BRINP1: variants seen among roughly 807,000 people sequenced by gnomAD.
The protein encoded by BRINP1 is BMP/retinoic acid-inducible neural-specific protein 1.
A neutral mutation model predicts 72.9 loss-of-function variants in BRINP1; 17 were observed. The ratio of observed to expected loss-of-function variants is 0.23; its 90% confidence interval spans 0.16 to 0.35. BRINP1 has a LOEUF of 0.35. BRINP1 is among the 10% of genes least tolerant of loss of function. The pLI is 1.00. For synonymous variants in BRINP1, 418 were observed against 378.5 expected (o/e 1.10, Z -1.21); for missense variants, 850 against 1,001.6 (o/e 0.85, Z 2.04).
At chr9:119,198,027 T>G (rs1169502872) in intron 7 of BRINP1, among the ~76,000 whole-genome samples, 1 of 152,156 alleles carries the variant, frequency 6.6e-6, no homozygotes, top group Non-Finnish European at 1.5e-5. Flanking sequence ...TGCTCCACTT[T>G]GAATAAACCG....
chr9:119,220,518 A>G (rs1830029252), intron 5 of BRINP1, among the ~76,000 whole-genome samples: 2 of 152,280 alleles, frequency 1.3e-5, no homozygotes, highest in Admixed American at 6.5e-5. Context: ...CCTTTTAACA[A>G]GTAGTACATT....
At position 119,198,672 on chromosome 9, in the gene BRINP1, AT is replaced by A. The variant is rs35233721; in HGVS notation, c.1145+10046del. On this transcript the variant is annotated intron_variant, in intron 7 of 7. Transcript: ENST00000265922. ...TACTGCTGTGCTCTTGAAAATATTA[AT>A]TTTTTTTTTTTTTTTTGAGACACAG... 7.1e-3 allele frequency among the ~76,000 whole-genome samples: 1,043 copies of A among 146,450 alleles called. 6 individuals are homozygous for A. Among genetic ancestry groups the A allele is most frequent in the African/African-American group, 0.021 (798 of 38,624 alleles).
At chr9:119,286,074 G>T (rs1299812285) in intron 2 of BRINP1, among the ~76,000 whole-genome samples, 1 of 152,000 alleles carries the variant, frequency 6.6e-6, no homozygotes. Context: ...TATCAGCATT[G>T]ACACCAGCTG....
rs529060372 is a variant in BRINP1, at chr9:119,200,369, C to A, written c.1145+8350G>T. Among the ~76,000 whole-genome samples, 4 of 152,142 alleles carry A rather than the reference C, an allele frequency of 2.6e-5. No individual in the cohort carries two copies. The East Asian group carries it at 7.7e-4, about 29-fold the overall frequency. ...AGGTGCAGTAGCTCAGGTCTGTAAT[C>A]CTAGCACTTTGAGAGGCCAAGGAGG... is the stretch of plus-strand genomic sequence containing the variant. On this transcript the variant is annotated intron_variant, in intron 7 of 7. Coordinates refer to ENST00000265922, the MANE Select transcript of BRINP1 (RefSeq NM_014618.3).
intron 2 of BRINP1, among the ~76,000 whole-genome samples, chr9:119,277,020 A>G (rs886336137): frequency 6.6e-6 from 1 of 152,214 alleles, no homozygotes; most frequent in Non-Finnish European, 1.5e-5. Flanking sequence ...GTCCATCCTT[A>G]TAGTTTTGCC....
chr9:119,187,752 A>G (rs977726174), intron 7 of BRINP1, among the ~76,000 whole-genome samples: 3 of 152,356 alleles, frequency 2.0e-5, no homozygotes, highest in African/African-American at 7.2e-5. Context: ...AAGGCATTCA[A>G]GACAATGATC....
At position 119,214,297 on chromosome 9, in the gene BRINP1, TA is replaced by T. The variant is rs1434615166; in HGVS notation, c.686-143del. 9.2e-6 allele frequency: 6 copies of T among 650,520 alleles called. No individual in the cohort carries two copies. The East Asian group carries it at 1.4e-4, about 15-fold the overall frequency. The allele number at this position is 650,520 out of a possible 1,614,324, so 40.3% of individuals were successfully genotyped here. ...GAACCAATATATTTCTGGGCCAACCTAGATCCAGACAGGGTATTATTGGTGA... is the reference window on the plus strand; with the variant it reads ...GAACCAATATATTTCTGGGCCAACCTGATCCAGACAGGGTATTATTGGTGA... On this transcript the variant is annotated intron_variant, in intron 5 of 7. Coordinates refer to ENST00000265922, the MANE Select transcript of BRINP1 (RefSeq NM_014618.3).
In BRINP1 at chr9:119,213,499, T is replaced by C. The variant is rs1488783251; in HGVS notation, c.922+420A>G. 3.9e-5 allele frequency: 10 copies of C among 253,304 alleles called. No individual in the cohort carries two copies. In the East Asian group the frequency reaches 7.3e-4, roughly 19 times the overall value. 15.7% of individuals were successfully genotyped at this position (253,304 alleles called of 1,614,324 possible). ...GCATATGCACATATAAATATACACATAGAGGTATGTTTATCTAGTTATAGA... is the reference window on the plus strand; with the variant it reads ...GCATATGCACATATAAATATACACACAGAGGTATGTTTATCTAGTTATAGA... On this transcript the variant is annotated intron_variant, in intron 6 of 7. Coordinates refer to ENST00000265922, the MANE Select transcript of BRINP1 (RefSeq NM_014618.3).
intron 7 of BRINP1, among the ~76,000 whole-genome samples, chr9:119,188,218 AG>A (rs1445071701): frequency 2.6e-5 from 4 of 152,204 alleles, no homozygotes; most frequent in Non-Finnish European, 4.4e-5. Flanking sequence ...CAAAGCTCAT[AG>A]GTTCCCAAAT....
At chr9:119,210,259 G>A (rs1414355904) in intron 6 of BRINP1, among the ~76,000 whole-genome samples, 1 of 152,122 alleles carries the variant, frequency 6.6e-6, no homozygotes, top group African/African-American at 2.4e-5. Flanking sequence ...TAGGAAAAAA[G>A]GCCAATGGTT....
At chr9:119,359,577 A>G (rs979869105) in intron 1 of BRINP1, among the ~76,000 whole-genome samples, 1 of 152,224 alleles carries the variant, frequency 6.6e-6, no homozygotes, top group African/African-American at 2.4e-5. Flanking sequence ...TGTGTTCCAC[A>G]TCAAATAGCT....
intron 2 of BRINP1, chr9:119,283,121 GT>G: frequency 1.0e-6 from 1 of 984,488 alleles, no homozygotes; most frequent in Middle Eastern, 5.2e-4. Flanking sequence ...GTGAATCTGC[GT>G]TCTCACCGGC....
chr9:119,238,903 T>C, intron 4 of BRINP1, 143 bp from the exon 5 acceptor site: 1 of 567,202 alleles, frequency 1.8e-6, no homozygotes, highest in Non-Finnish European at 3.1e-6. Flanking sequence ...GCTTCGTGCT[T>C]GTGTCTGGGA....
Position 119,228,155 on chromosome 9 carries a change from TTC to T in BRINP1, c.685+10498_685+10499del, listed in dbSNP as rs930335078. 1.3e-4 allele frequency among the ~76,000 whole-genome samples: 20 copies of T among 151,964 alleles called. 1 individual carries two copies. The highest frequency in any genetic ancestry group is 4.8e-4 in the African/African-American group (20 of 41,494). On this transcript the variant is annotated intron_variant, in intron 5 of 7. Transcript: ENST00000265922. ...CCCCCTTCTTCACTTCCCCTTCCCT[TTC>T]TCTCTTTCCACACTTCTTTCTCTTC...
chr9:119,263,598 A>ATTCTTT (rs1830517261), intron 2 of BRINP1, among the ~76,000 whole-genome samples: 1 of 51,724 alleles, frequency 1.9e-5, no homozygotes. Flanking sequence ...CCAGTAAACA[A>ATTCTTT]TTCTTTTTTT....
chr9:119,252,752 T>G (rs1451436791), intron 2 of BRINP1, among the ~76,000 whole-genome samples: 1 of 152,134 alleles, frequency 6.6e-6, no homozygotes, highest in East Asian at 1.9e-4. Context: ...AATCACTCTT[T>G]TAATGTAAAT....
intron 2 of BRINP1, among the ~76,000 whole-genome samples, chr9:119,305,739 A>T (rs1830989377): frequency 6.6e-6 from 1 of 152,166 alleles, no homozygotes; most frequent in South Asian, 2.1e-4. Flanking sequence ...CTTCAGTGGC[A>T]TCTCTCAAGG....
intron 5 of BRINP1, among the ~76,000 whole-genome samples, chr9:119,238,114 A>G (rs1404688917): frequency 6.6e-6 from 1 of 152,230 alleles, no homozygotes; most frequent in Non-Finnish European, 1.5e-5. Flanking sequence ...TTAATGCAAT[A>G]TAATTCACTT....
At chr9:119,313,613 T>C (rs553367100) in intron 1 of BRINP1, among the ~76,000 whole-genome samples, 1 of 152,164 alleles carries the variant, frequency 6.6e-6, no homozygotes, top group Non-Finnish European at 1.5e-5. Flanking sequence ...TATGGAAATC[T>C]GGGCCCATGT....
Sources: gnomAD v4.1 joint callset for allele counts (sites outside exome capture counted in the v4.1 genomes callset) on GRCh38, gnomAD v4.1.1 for gene constraint, MANE v1.5 for transcripts, NCBI Gene and HGNC (gene_info 2026-07-23, HGNC 2026-07-21) for gene names.